Variants in SLC35F4 observed in about 807,000 individuals in gnomAD.
SLC35F4 encodes solute carrier family 35 member F4.
Under a neutral mutation model 44.2 loss-of-function variants are expected in SLC35F4, and 24 were observed. That is an observed-to-expected ratio of 0.54 (90% confidence interval 0.39 to 0.76). SLC35F4 has a LOEUF of 0.76. Among genes scored for constraint, SLC35F4 ranks in the 30% least tolerant of loss-of-function variants. The pLI is 0.00. For synonymous variants in SLC35F4, 238 were observed against 223.6 expected (o/e 1.06, Z -0.57); for missense variants, 562 against 586.1 (o/e 0.96, Z 0.42).
At chr14:57,618,338 G>T (rs2071972927) in intron 1 of SLC35F4, among the ~76,000 whole-genome samples, 1 of 152,196 alleles carries the variant, frequency 6.6e-6, no homozygotes, top group Non-Finnish European at 1.5e-5. Context: ...TGAGGTACCT[G>T]GTTCATCTCC....
intron 3 of SLC35F4, among the ~76,000 whole-genome samples, chr14:57,588,943 C>T (rs559263706): frequency 7.2e-5 from 11 of 152,010 alleles, no homozygotes; most frequent in Non-Finnish European, 1.5e-4. Context: ...GTCCTCTTGT[C>T]TTAAAATGGG....
At chr14:57,763,731 C>T (rs1326456066) in intron 1 of SLC35F4, among the ~76,000 whole-genome samples, 1 of 152,170 alleles carries the variant, frequency 6.6e-6, no homozygotes, top group East Asian at 1.9e-4. Flanking sequence ...TTCAAACACA[C>T]AGCTTTTCTG....
At chr14:57,609,537 T>G (rs768077496) in intron 1 of SLC35F4, among the ~76,000 whole-genome samples, 115 of 152,210 alleles carry the variant, frequency 7.6e-4, no homozygotes, top group Non-Finnish European at 1.2e-3. Flanking sequence ...AGTACCATAT[T>G]CACCCATGTG....
chr14:57,581,761 A>G (rs1399394340), intron 3 of SLC35F4, among the ~76,000 whole-genome samples: 2 of 152,218 alleles, frequency 1.3e-5, no homozygotes, highest in East Asian at 3.9e-4. Flanking sequence ...TGAAATCACT[A>G]GCTATTGGAA....
At chr14:57,961,466 T>C (rs1890338700) in intron 1 of SLC35F4, among the ~76,000 whole-genome samples, 1 of 152,150 alleles carries the variant, frequency 6.6e-6, no homozygotes, top group Admixed American at 6.5e-5. Flanking sequence ...CTTAGGTCTT[T>C]TCCTCCCTGC....
intron 1 of SLC35F4, among the ~76,000 whole-genome samples, chr14:57,713,284 G>GATC (rs1406174099): frequency 6.6e-6 from 1 of 152,166 alleles, no homozygotes; most frequent in African/African-American, 2.4e-5. Flanking sequence ...CTAAAACACA[G>GATC]ATCTGTTTCT....
chr14:57,810,544 G>T (rs367840224), intron 1 of SLC35F4, among the ~76,000 whole-genome samples: 9 of 152,110 alleles, frequency 5.9e-5, no homozygotes, highest in African/African-American at 2.2e-4. Context: ...TCTTCTCACC[G>T]TCCTCAGTAT....
chr14:57,760,180 T>C (rs1271802450), intron 1 of SLC35F4, among the ~76,000 whole-genome samples: 2 of 152,086 alleles, frequency 1.3e-5, no homozygotes, highest in Non-Finnish European at 2.9e-5. Context: ...CATTTAGGTC[T>C]TTTTTTCGCT....
chr14:57,972,208 G>A (rs1003632567), downstream of SLC35F4, among the ~76,000 whole-genome samples: 1 of 152,222 alleles, frequency 6.6e-6, no homozygotes, highest in African/African-American at 2.4e-5. Flanking sequence ...GCGCCTTGTA[G>A]ATCATAGAAG....
At chr14:57,774,340 C>T (rs536736411) in intron 1 of SLC35F4, among the ~76,000 whole-genome samples, 2 of 152,250 alleles carry the variant, frequency 1.3e-5, no homozygotes, top group East Asian at 3.9e-4. Context: ...TCTGAATGCC[C>T]ATGCAGGAGA....
At chr14:57,966,041 A>T (rs1168176350) in intron 1 of SLC35F4, among the ~76,000 whole-genome samples, 1 of 152,208 alleles carries the variant, frequency 6.6e-6, no homozygotes, top group Non-Finnish European at 1.5e-5. Context: ...ATTCACCTGT[A>T]TCAGAATCCT....
At chr14:57,901,715 A>G (rs1854276741) in intron 1 of SLC35F4, among the ~76,000 whole-genome samples, 1 of 152,198 alleles carries the variant, frequency 6.6e-6, no homozygotes, top group East Asian at 1.9e-4. Flanking sequence ...GAGAATGCCT[A>G]ATAAATAATA....
intron 1 of SLC35F4, among the ~76,000 whole-genome samples, chr14:57,718,398 C>A (rs1169948290): frequency 6.6e-6 from 1 of 152,118 alleles, no homozygotes; most frequent in African/African-American, 2.4e-5. Flanking sequence ...AGCTCTAATT[C>A]TAGTTTTTTG....
At chr14:57,936,802 AC>A (rs1431163784) in intron 1 of SLC35F4, among the ~76,000 whole-genome samples, 2 of 152,160 alleles carry the variant, frequency 1.3e-5, no homozygotes, top group African/African-American at 2.4e-5. Flanking sequence ...TTGAGCCTTA[AC>A]AAAATGGGTA....
chr14:57,967,563 T>C (rs1880910465), intron 1 of SLC35F4, among the ~76,000 whole-genome samples: 1 of 152,172 alleles, frequency 6.6e-6, no homozygotes, highest in Non-Finnish European at 1.5e-5. Context: ...GTGCCAAATT[T>C]TGTTTTAACG....
At chr14:57,776,193 G>T (rs1004192503) in intron 1 of SLC35F4, among the ~76,000 whole-genome samples, 3 of 152,146 alleles carry the variant, frequency 2.0e-5, no homozygotes, top group Non-Finnish European at 2.9e-5. Context: ...TGAAAGAGAT[G>T]GGGTGAATGG....
chr14:57,892,956 G>C (rs886465657), intron 1 of SLC35F4, among the ~76,000 whole-genome samples: 2 of 152,166 alleles, frequency 1.3e-5, no homozygotes, highest in Non-Finnish European at 2.9e-5. Context: ...TCTTATTATA[G>C]GTTATGTTTA....
chr14:57,598,979 A>T (rs2070656892), intron 1 of SLC35F4, among the ~76,000 whole-genome samples: 1 of 152,198 alleles, frequency 6.6e-6, no homozygotes, highest in African/African-American at 2.4e-5. Context: ...GGCTGCCCTG[A>T]AAAGTAGGAT....
intron 1 of SLC35F4, among the ~76,000 whole-genome samples, chr14:57,820,823 A>G (rs1883098660): frequency 6.6e-6 from 1 of 152,194 alleles, no homozygotes; most frequent in Non-Finnish European, 1.5e-5. Flanking sequence ...GATTGGAGTA[A>G]TAAGAATACC....
Sources: gnomAD v4.1 joint callset for allele counts (sites outside exome capture counted in the v4.1 genomes callset) on GRCh38, gnomAD v4.1.1 for gene constraint, MANE v1.5 for transcripts, NCBI Gene and HGNC (gene_info 2026-07-23, HGNC 2026-07-21) for gene names.